Variants in ZPBP observed in about 807,000 individuals in gnomAD.
ZPBP encodes zona pellucida binding protein.
A neutral mutation model predicts 44.8 loss-of-function variants in ZPBP; 26 were observed. The observed-to-expected ratio is 0.58, with a 90% confidence interval of 0.43 to 0.81. The LOEUF (loss-of-function observed/expected upper bound fraction) is 0.81, where lower values mean the gene tolerates loss of function less well. Among genes scored for constraint, ZPBP ranks in the 30% least tolerant of loss-of-function variants. The pLI is 0.00. For synonymous variants in ZPBP, 174 were observed against 153.2 expected (o/e 1.14, Z -1.00); for missense variants, 409 against 434.0 (o/e 0.94, Z 0.51).
the ZPBP span, among the ~76,000 whole-genome samples, chr7:49,841,322 T>A: frequency 2.0e-4 from 30 of 152,238 alleles, no homozygotes; most frequent in Admixed American, 1.7e-3. Flanking sequence ...TTTTTTTTTT[T>A]TTTAAAGTAA....
At chr7:49,968,764 A>G (rs1796164267) in intron 7 of ZPBP, among the ~76,000 whole-genome samples, 2 of 152,092 alleles carry the variant, frequency 1.3e-5, no homozygotes, top group Non-Finnish European at 2.9e-5. Flanking sequence ...GCTATTAGTA[A>G]TTAATAGTAA....
intron 3 of ZPBP, among the ~76,000 whole-genome samples, chr7:50,075,387 C>T (rs1350027411): frequency 6.6e-6 from 1 of 151,268 alleles, no homozygotes; most frequent in Non-Finnish European, 1.5e-5. Flanking sequence ...CAAACCAAAC[C>T]CAAAATTAGT....
intron 1 of ZPBP, chr7:49,915,507 A>C (rs1013532461): frequency 6.6e-6 from 1 of 152,212 alleles, no homozygotes; most frequent in Non-Finnish European, 1.5e-5. Flanking sequence ...GCATTTATAT[A>C]AGGTTAAAAG....
intron 1 of ZPBP, chr7:49,921,815 AT>A (rs1794033226): frequency 6.6e-6 from 1 of 152,150 alleles, no homozygotes. Flanking sequence ...TTATATATAT[AT>A]TTACCAGAAA....
chr7:49,863,915 A>T (rs188089634), intron 2 of ZPBP, among the ~76,000 whole-genome samples: 110 of 152,222 alleles, frequency 7.2e-4, no homozygotes, highest in East Asian at 1.2e-3. Context: ...CCCTTTTAGC[A>T]TAGTTTTTTC....
At chr7:49,889,685 C>T (rs1257244383) in intron 2 of ZPBP, among the ~76,000 whole-genome samples, 4 of 152,162 alleles carry the variant, frequency 2.6e-5, no homozygotes, top group African/African-American at 4.8e-5. Flanking sequence ...AAGGCTTTCA[C>T]GTTGCTTTTG....
chr7:50,048,440 A>T (rs563631558), intron 4 of ZPBP, among the ~76,000 whole-genome samples: 1 of 152,248 alleles, frequency 6.6e-6, no homozygotes, highest in African/African-American at 2.4e-5. Context: ...ATACACATGG[A>T]ACATTCTCAA....
chr7:50,044,886 T>A (rs530827068), intron 4 of ZPBP, among the ~76,000 whole-genome samples: 1 of 152,186 alleles, frequency 6.6e-6, no homozygotes, highest in Admixed American at 6.5e-5. Context: ...ATATCCCTGA[T>A]GAACATCGAT....
At position 49,939,950 on chromosome 7, in the gene ZPBP, A is replaced by T. The variant is rs565221547; in HGVS notation, c.962-2328T>A. Among the ~76,000 whole-genome samples, 10 of 152,262 alleles carry T rather than the reference A, an allele frequency of 6.6e-5. No individual in the cohort carries two copies. In the South Asian group the frequency reaches 1.7e-3, roughly 25 times the overall value. ...AAAACTGAACATTCCATAACTGACCATCTGAAAATCTTCAATGAAAAGGGA... is the reference window on the plus strand; with the variant it reads ...AAAACTGAACATTCCATAACTGACCTTCTGAAAATCTTCAATGAAAAGGGA... On this transcript the variant is annotated intron_variant, in intron 7 of 7. Coordinates refer to ENST00000046087, the MANE Select transcript of ZPBP (RefSeq NM_007009.3).
chr7:49,977,288 T>G (rs1443625416), intron 7 of ZPBP, among the ~76,000 whole-genome samples: 1 of 152,078 alleles, frequency 6.6e-6, no homozygotes, highest in Non-Finnish European at 1.5e-5. Flanking sequence ...AAAAGGCGGA[T>G]GAGTTTTATT....
At chr7:49,982,175 ATATAATTT>A (rs1562821125) in intron 7 of ZPBP, among the ~76,000 whole-genome samples, 2 of 95,224 alleles carry the variant, frequency 2.1e-5, no homozygotes, top group Non-Finnish European at 3.7e-5. Flanking sequence ...TATTATATAT[ATATAATTT>A]ATTATTATAT....
intron 4 of ZPBP, among the ~76,000 whole-genome samples, chr7:50,047,882 C>T (rs377111040): frequency 4.3e-4 from 65 of 152,142 alleles, no homozygotes; most frequent in East Asian, 3.5e-3. Context: ...GTGGAGTGCG[C>T]GAGGAAGCAC....
chr7:50,014,323 G>A (rs756921988), intron 6 of ZPBP, among the ~76,000 whole-genome samples: 5 of 152,056 alleles, frequency 3.3e-5, no homozygotes, highest in Admixed American at 6.6e-5. Flanking sequence ...ACAAAAAATC[G>A]AAGTTAAAAA....
At chr7:49,987,918 A>C (rs538705837) in intron 6 of ZPBP, among the ~76,000 whole-genome samples, 1 of 152,310 alleles carries the variant, frequency 6.6e-6, no homozygotes, top group East Asian at 1.9e-4. Flanking sequence ...CTTAAAGACT[A>C]TTGGTAAAAT....
intron 6 of ZPBP, among the ~76,000 whole-genome samples, chr7:50,011,878 C>T (rs2128801453): frequency 6.6e-6 from 1 of 151,826 alleles, no homozygotes; most frequent in African/African-American, 2.4e-5. Flanking sequence ...GGTAAAACCC[C>T]GTCTCTACTA....
intron 6 of ZPBP, among the ~76,000 whole-genome samples, chr7:49,988,122 T>C (rs1387304711): frequency 2.0e-5 from 3 of 152,218 alleles, no homozygotes; most frequent in African/African-American, 7.2e-5. Flanking sequence ...ATTAAAAGCA[T>C]AACAAAATAC....
At chr7:49,919,953 A>T (rs2128746576) in intron 1 of ZPBP, 1 of 152,346 alleles carries the variant, frequency 6.6e-6, no homozygotes, top group Non-Finnish European at 1.5e-5. Context: ...AATATTTGTT[A>T]CAAATAACAC....
intron 5 of ZPBP, 21 bp downstream of exon 5, chr7:50,031,071 T>C: frequency 6.2e-7 from 1 of 1,609,382 alleles, no homozygotes; most frequent in Non-Finnish European, 8.5e-7. Flanking sequence ...TTTGCTTTTC[T>C]AACAAATTGT....
chr7:49,892,631 C>T (rs1161779084), intron 2 of ZPBP, among the ~76,000 whole-genome samples: 1 of 152,134 alleles, frequency 6.6e-6, no homozygotes, highest in Non-Finnish European at 1.5e-5. Context: ...TTTGTGTGTG[C>T]TCTCTCAGCT....
Sources: gnomAD v4.1 joint callset for allele counts (sites outside exome capture counted in the v4.1 genomes callset) on GRCh38, gnomAD v4.1.1 for gene constraint, MANE v1.5 for transcripts, NCBI Gene and HGNC (gene_info 2026-07-23, HGNC 2026-07-21) for gene names.